KCTD1: variants seen among roughly 807,000 people sequenced by gnomAD.
KCTD1 encodes BTB/POZ domain-containing protein KCTD1.
Under a neutral mutation model 66.0 loss-of-function variants are expected in KCTD1, and 24 were observed. That is an observed-to-expected ratio of 0.36 (90% CI 0.26 to 0.51). The LOEUF is 0.51. Ranked by LOEUF, KCTD1 falls within the 20% of genes least tolerant of loss-of-function variation. The probability of loss-of-function intolerance (pLI) is 0.95; values close to 1 mark genes in which losing one functional copy is unlikely to be tolerated. For synonymous variants in KCTD1, 511 were observed against 517.2 expected (o/e 0.99, Z 0.16); for missense variants, 943 against 1,205.2 (o/e 0.78, Z 3.22).
chr18:26,645,206 T>A (rs1033965352), upstream of KCTD1, among the ~76,000 whole-genome samples: 1 of 152,230 alleles, frequency 6.6e-6, no homozygotes, highest in Non-Finnish European at 1.5e-5. Flanking sequence ...GGGTATCATG[T>A]TTCCCAGGGT....
At chr18:26,567,631 G>A (rs1045838529) in intron 1 of KCTD1, among the ~76,000 whole-genome samples, 1 of 151,922 alleles carries the variant, frequency 6.6e-6, no homozygotes, top group Non-Finnish European at 1.5e-5. Flanking sequence ...GGGATTACAG[G>A]CATGCACCAC....
intron 2 of KCTD1, among the ~76,000 whole-genome samples, chr18:26,499,877 G>A (rs965680420): frequency 6.6e-6 from 1 of 152,136 alleles, no homozygotes; most frequent in East Asian, 1.9e-4. Flanking sequence ...CTATCCACCA[G>A]CAAAAAACTT....
intron 3 of KCTD1, among the ~76,000 whole-genome samples, chr18:26,470,682 C>T (rs979507767): frequency 6.6e-6 from 1 of 152,208 alleles, no homozygotes; most frequent in Non-Finnish European, 1.5e-5. Flanking sequence ...TGGAAGCGTC[C>T]CTACCTCACA....
intron 2 of KCTD1, among the ~76,000 whole-genome samples, chr18:26,496,173 T>C (rs1024978368): frequency 6.6e-6 from 1 of 152,202 alleles, no homozygotes; most frequent in Non-Finnish European, 1.5e-5. Context: ...GACTAAGATA[T>C]AATCAGGTCT....
intron 1 of KCTD1, among the ~76,000 whole-genome samples, chr18:26,582,941 T>C (rs1242494311): frequency 6.6e-6 from 1 of 151,988 alleles, no homozygotes; most frequent in African/African-American, 2.4e-5. Flanking sequence ...AATATGAACT[T>C]ATGAATTCAA....
chr18:26,527,043 T>C lies in KCTD1; in HGVS notation c.1809+19685A>G, dbSNP rs575668393. 9.9e-4 allele frequency among the ~76,000 whole-genome samples: 150 copies of C among 152,278 alleles called. 1 individual carries two copies. The highest frequency in any genetic ancestry group is 3.4e-3 in the African/African-American group (143 of 41,558). On this transcript the variant is annotated intron_variant, in intron 1 of 4. Transcript: ENST00000580059. ...CCAAACTACCTGTTTTTAACTTCCC[T>C]GCCCTCTGCCTGGGACATTATCATC...
upstream of KCTD1, chr18:26,548,890 C>T: frequency 1.0e-6 from 1 of 995,176 alleles, no homozygotes; most frequent in Non-Finnish European, 1.2e-6. Context: ...TCCCAACTTA[C>T]CCTCTGGCGG....
intron 2 of KCTD1, among the ~76,000 whole-genome samples, chr18:26,494,401 C>T (rs1371002148): frequency 1.4e-4 from 21 of 152,104 alleles, no homozygotes; most frequent in Admixed American, 1.4e-3. Context: ...AAAACAAAAA[C>T]AAACACAATA....
At chr18:26,480,335 A>G (rs1981576222) in intron 2 of KCTD1, among the ~76,000 whole-genome samples, 1 of 152,156 alleles carries the variant, frequency 6.6e-6, no homozygotes, top group Non-Finnish European at 1.5e-5. Flanking sequence ...TTCTGAGGTA[A>G]ATCTCAAACA....
At chr18:26,616,109 T>A (rs1286111651) in intron 1 of KCTD1, among the ~76,000 whole-genome samples, 1 of 151,738 alleles carries the variant, frequency 6.6e-6, no homozygotes, top group Non-Finnish European at 1.5e-5. Context: ...CTTTTAATTG[T>A]CATGGCAGAC....
intron 2 of KCTD1, among the ~76,000 whole-genome samples, chr18:26,480,667 T>C (rs1157171243): frequency 6.6e-6 from 1 of 152,012 alleles, no homozygotes; most frequent in African/African-American, 2.4e-5. Context: ...ACTCGGGAGG[T>C]TGAGGCAGAG....
At chr18:26,572,666 C>T (rs921914424) in intron 1 of KCTD1, among the ~76,000 whole-genome samples, 8 of 152,204 alleles carry the variant, frequency 5.3e-5, no homozygotes, top group African/African-American at 1.9e-4. Context: ...TATGGGGTTA[C>T]ACCAATAAGC....
upstream of KCTD1, among the ~76,000 whole-genome samples, chr18:26,632,108 G>A (rs1277216545): frequency 1.3e-5 from 2 of 149,886 alleles, no homozygotes; most frequent in South Asian, 2.1e-4. Flanking sequence ...CATACAGGCC[G>A]GTGCAGTGGC....
chr18:26,533,848 A>G (rs1387302288), intron 1 of KCTD1, among the ~76,000 whole-genome samples: 1 of 132,216 alleles, frequency 7.6e-6, no homozygotes, highest in Non-Finnish European at 1.6e-5. Flanking sequence ...AAAAAAAAAA[A>G]GCAAGCCATG....
chr18:26,491,645 G>A (rs1249082375), intron 2 of KCTD1, among the ~76,000 whole-genome samples: 2 of 152,176 alleles, frequency 1.3e-5, no homozygotes, highest in Non-Finnish European at 1.5e-5. Context: ...TGACACTAGG[G>A]TAGCAAGAGT....
chr18:26,637,481 G>C (rs1408946293), intron 1 of KCTD1, among the ~76,000 whole-genome samples: 1 of 152,198 alleles, frequency 6.6e-6, no homozygotes, highest in Non-Finnish European at 1.5e-5. Flanking sequence ...ATGTGTTAAG[G>C]CTTCTATTAT....
At chr18:26,516,216 T>C (rs1035120121) in intron 1 of KCTD1, among the ~76,000 whole-genome samples, 3 of 152,032 alleles carry the variant, frequency 2.0e-5, no homozygotes, top group Non-Finnish European at 4.4e-5. Flanking sequence ...GGGGTGTGTG[T>C]TGGGAAGGAG....
intron 1 of KCTD1, among the ~76,000 whole-genome samples, chr18:26,542,320 A>C (rs926728946): frequency 2.6e-5 from 4 of 152,238 alleles, no homozygotes; most frequent in African/African-American, 9.6e-5. Context: ...TTCTCCAAAG[A>C]AATCTTTAAA....
chr18:26,517,211 C>A (rs1454615135), intron 1 of KCTD1, among the ~76,000 whole-genome samples: 1 of 152,110 alleles, frequency 6.6e-6, no homozygotes, highest in Non-Finnish European at 1.5e-5. Context: ...TGGCTCTGTG[C>A]CCCCACTCAA....
Sources: allele counts gnomAD v4.1 joint callset (sites outside exome capture counted in the v4.1 genomes callset), GRCh38; gene constraint gnomAD v4.1.1; transcripts MANE v1.5; gene names NCBI Gene and HGNC (gene_info 2026-07-23, HGNC 2026-07-21).